Variants in MTFR1L observed in about 807,000 individuals in gnomAD.
MTFR1L encodes mitochondrial fission regulator 1 like, also known as mitochondrial fission regulator 1-like.
MTFR1L carries 10 observed loss-of-function variants against 27.9 expected under a neutral mutation model. The ratio of observed to expected loss-of-function variants is 0.36; its 90% CI spans 0.22 to 0.61. MTFR1L has a LOEUF of 0.61. Among genes scored for constraint, MTFR1L ranks in the 20% least tolerant of loss-of-function variants. MTFR1L has a pLI of 0.73. For synonymous variants in MTFR1L, 151 were observed against 139.4 expected (o/e 1.08, Z -0.58); for missense variants, 315 against 363.7 (o/e 0.87, Z 1.09).
rs113218052 is a variant in MTFR1L, at chr1:25,821,587, G to A, written c.-86-1432G>A. ...CCTCCACAGGAGGTCTCCAGAAAGAGCTGCTTTGTCAGTCTAGTCTATCTC... is the reference window on the plus strand; with the variant it reads ...CCTCCACAGGAGGTCTCCAGAAAGAACTGCTTTGTCAGTCTAGTCTATCTC... On this transcript the variant is annotated intron_variant, in intron 1 of 6. Transcript: ENST00000374303. The A allele has an allele frequency of 6.7e-4, 102 of 152,374 alleles. 1 individual carries two copies. The highest frequency in any genetic ancestry group is 2.3e-3 in the African/African-American group (97 of 41,580). The allele number at this position is 152,374 out of a possible 1,614,324, so 9.4% of individuals were successfully genotyped here.
chr1:25,830,404 A>T (rs1217239865), intron 6 of MTFR1L, among the ~76,000 whole-genome samples: 1 of 152,236 alleles, frequency 6.6e-6, no homozygotes, highest in Non-Finnish European at 1.5e-5. Context: ...CCTTTAACTT[A>T]CTAAAGTAGA....
chr1:25,820,639 G>C (rs1038489760), intron 1 of MTFR1L: 13 of 414,676 alleles, frequency 3.1e-5, no homozygotes, highest in Non-Finnish European at 5.6e-5. Context: ...TGCAGCCTCC[G>C]GAGGGCTGCG....
At position 25,826,102 on chromosome 1, in the gene MTFR1L, G is replaced by A. The variant is rs1343743849; in HGVS notation, c.130-200G>A. 9 of 531,012 alleles carry A rather than the reference G, an allele frequency of 1.7e-5. No individual in the cohort carries two copies. Among genetic ancestry groups the A allele is most frequent in the Middle Eastern group, 4.1e-4 (1 of 2,454 alleles). The allele number at this position is 531,012 out of a possible 1,614,324, so 32.9% of individuals were successfully genotyped here. A position where few individuals can be genotyped will look rare whatever the true frequency, so the allele number is the denominator to read the frequency against. ...TGCCTGCCTCGGCCTCCCAAATGCT[G>A]GGATTACAGGTGTGAGCCACCATGC... On this transcript the variant is annotated intron_variant, in intron 3 of 6. Transcript: ENST00000374303. This position sits in a 1 kb window ranked among gnomAD's most constrained non-coding sequence, Gnocchi z 4.1.
chr1:25,831,659 A>C (rs1284938388), intron 6 of MTFR1L, among the ~76,000 whole-genome samples: 1 of 152,216 alleles, frequency 6.6e-6, no homozygotes, highest in African/African-American at 2.4e-5. Context: ...GGAAATAGTA[A>C]AGCATTCTAG....
intron 3 of MTFR1L, 131 bp downstream of exon 3, chr1:25,823,879 G>A: frequency 1.7e-6 from 2 of 1,183,922 alleles, no homozygotes; most frequent in Non-Finnish European, 2.3e-6. Flanking sequence ...TTTGTTAAAT[G>A]CTTATAAGAT....
intron 1 of MTFR1L, chr1:25,820,453 GGCGGGTCCCCGCGGGGAGAGGGTCCGC>G (rs1436612722): frequency 5.1e-6 from 2 of 392,120 alleles, no homozygotes; most frequent in African/African-American, 4.4e-5. Context: ...GACTCGCCCT[GGCGGGTCCCCGCGGGGAGAGGGTCCGC>G]GCGGGTCTCC....
At chr1:25,831,863 A>AAGAT in intron 6 of MTFR1L, 58 bp from the exon 7 acceptor site, 1 of 1,361,834 alleles carries the variant, frequency 7.3e-7, no homozygotes, top group Non-Finnish European at 1.0e-6. Flanking sequence ...ATGTATTCAA[A>AAGAT]AGATATACAG....
chr1:25,826,635 G>A lies in MTFR1L; in HGVS notation c.260G>A (p.Arg87Lys). The A allele has an allele frequency of 6.2e-7, 1 of 1,614,192 alleles. No individual in the cohort carries two copies. Among genetic ancestry groups the A allele is most frequent in the Non-Finnish European group, 8.5e-7 (1 of 1,180,042 alleles). The change falls in exon 5 of 7, where the codon AGG becomes AAG. Residue 87 changes from arginine (R) to lysine (K), a missense_variant. Physicochemically the swap from Arg to Lys is conservative, Grantham distance 26. Transcript: ENST00000374303. The surrounding 1 kb of genome is among the most constrained non-coding windows in gnomAD (Gnocchi z 4.1). ...TCCAGGAGTGATACGCGCCCCCTGA[G>A]GCACACCTGGAAACCCAGCCCTCTG... ...ARVRSDTRPL[R>K]HTWKPSPLIV...
In MTFR1L at chr1:25,826,461, G is replaced by C; in HGVS notation, c.239+50G>C. The C allele has an allele frequency of 2.5e-6, 4 of 1,602,548 alleles. No individual in the cohort carries two copies. Among genetic ancestry groups the C allele is most frequent in the Non-Finnish European group, 2.6e-6 (3 of 1,169,546 alleles). The stretch of plus-strand genomic sequence containing the variant: ...CTAAGGAATGGAGAACTTCCCAGAA[G>C]AGGTGGCAGGCAGCAAGGAGAGAGG... On this transcript the variant is annotated intron_variant, in intron 4 of 6. Coordinates refer to ENST00000374303, the MANE Select transcript of MTFR1L (RefSeq NM_001099625.2). This position sits in a 1 kb window ranked among gnomAD's most constrained non-coding sequence, Gnocchi z 4.1.
rs1190005770 is a variant in MTFR1L, at chr1:25,826,138, T to C, written c.130-164T>C. 2 of 594,978 alleles carry C rather than the reference T, an allele frequency of 3.4e-6. No individual in the cohort carries two copies. The highest frequency in any genetic ancestry group is 6.0e-6 in the Non-Finnish European group (2 of 332,102). 36.9% of individuals were successfully genotyped at this position (594,978 alleles called of 1,614,324 possible). ...TGTGAGCCACCATGCCTGACTGTCA[T>C]CTGGCCTCTGTTCAATGTTTTCGAC... On this transcript the variant is annotated intron_variant, in intron 3 of 6. Transcript: ENST00000374303. This position sits in a 1 kb window ranked among gnomAD's most constrained non-coding sequence, Gnocchi z 4.1.
chr1:25,820,640 G>C, intron 1 of MTFR1L: 1 of 415,026 alleles, frequency 2.4e-6, no homozygotes, highest in Admixed American at 3.3e-5. Context: ...GCAGCCTCCG[G>C]AGGGCTGCGG....
intron 3 of MTFR1L, chr1:25,825,762 A>G (rs2048159390): frequency 6.5e-6 from 1 of 153,056 alleles, no homozygotes; most frequent in Admixed American, 6.5e-5. Context: ...GACAGTTGCC[A>G]TCTCTACTAA....
At position 25,831,974 on chromosome 1, in the gene MTFR1L, T is replaced by C; in HGVS notation, c.827T>C (p.Leu276Pro). The C allele has an allele frequency of 6.2e-7, 1 of 1,614,240 alleles. No individual in the cohort carries two copies. The highest frequency in any genetic ancestry group is 1.3e-5 in the African/African-American group (1 of 75,068). ...EDPAVLISEV[L>P]RRKFALKEED... ...CCTGCTGTGCTTATCTCTGAGGTCCTAAGGAGGAAGTTTGCTCTAAAGGAA... is the reference window on the plus strand; with the variant it reads ...CCTGCTGTGCTTATCTCTGAGGTCCCAAGGAGGAAGTTTGCTCTAAAGGAA... Residue 276 changes from leucine (L) to proline (P), a missense_variant, in exon 7 of 7, where the codon CTA (leucine) becomes CCA (proline). Physicochemically the swap from Leu to Pro is moderately conservative, Grantham distance 98 (BLOSUM62 -3). Coordinates refer to ENST00000374303, the MANE Select transcript of MTFR1L (RefSeq NM_001099625.2).
At position 25,823,719 on chromosome 1, in the gene MTFR1L, T is replaced by C; in HGVS notation, c.100T>C (p.Leu34=). ...VVRRIGTNLP[L]KPCARASFET... is the part of the protein sequence containing the mutation. ...AAGAAGAATTGGGACCAACCTACCC[T>C]TGAAGCCGTGTGCCCGGGCGTCCTT... Residue 34 remains leucine, a synonymous_variant, in exon 3 of 7, where the codon TTG becomes CTG. Transcript: ENST00000374303. The C allele has an allele frequency of 1.2e-6, 2 of 1,614,080 alleles. No homozygotes were observed. Among genetic ancestry groups the C allele is most frequent in the Non-Finnish European group, 1.7e-6 (2 of 1,179,974 alleles).
At position 25,829,786 on chromosome 1, in the gene MTFR1L, G is replaced by A; in HGVS notation, c.729G>A (p.Met243Ile). 6.2e-7 allele frequency: 1 copy of A among 1,608,608 alleles called. No individual in the cohort carries two copies. Among genetic ancestry groups the A allele is most frequent in the Non-Finnish European group, 8.5e-7 (1 of 1,179,844 alleles). The change falls in exon 6 of 7, where the codon ATG becomes ATA. Residue 243 changes from methionine (M) to isoleucine (I), a missense_variant. Physicochemically the swap from Met to Ile is conservative, Grantham distance 10. Transcript: ENST00000374303. ...LSKASSFADM[M>I]GILKDFHRMK... ...AGGCCAGCAGCTTTGCAGACATGAT[G>A]GGTATCCTGAAGGACTTTCACCGAA... is the stretch of plus-strand genomic sequence containing the variant.
rs777320349 is a variant in MTFR1L at position 25,826,624 on chromosome 1, G to A, written c.249G>A (p.Thr83=). 13 of 1,614,036 alleles carry A rather than the reference G, an allele frequency of 8.1e-6. No individual in the cohort carries two copies. Among genetic ancestry groups the A allele is most frequent in the African/African-American group, 1.3e-5 (1 of 74,898 alleles). The part of the protein sequence containing the change: ...EETYARVRSD[T]RPLRHTWKPS... ...GTTTTCCCTGGTCCAGGAGTGATAC[G>A]CGCCCCCTGAGGCACACCTGGAAAC... The change falls in exon 5 of 7, where the codon ACG becomes ACA. Residue 83 remains threonine (T), a synonymous_variant. Transcript: ENST00000374303. This position sits in a 1 kb window ranked among gnomAD's most constrained non-coding sequence, Gnocchi z 4.1.
intron 6 of MTFR1L, among the ~76,000 whole-genome samples, chr1:25,830,872 T>C (rs1213882867): frequency 6.6e-6 from 1 of 152,224 alleles, no homozygotes; most frequent in Non-Finnish European, 1.5e-5. Context: ...TTAACCTTCC[T>C]TCACTGGCCC....
Position 25,832,306 on chromosome 1 carries a change from G to T in MTFR1L, c.*280G>T. On this transcript the variant is annotated 3_prime_UTR_variant, in exon 7 of 7. Coordinates refer to ENST00000374303, the MANE Select transcript of MTFR1L (RefSeq NM_001099625.2). ...AAGGGTAAGAGAGAAGTTGTTTCTG[G>T]TTTTTCCTTGCCCCTGTGTGAAAAT... The T allele has an allele frequency of 1.1e-6, 1 of 885,000 alleles. No homozygotes were observed. Among genetic ancestry groups the T allele is most frequent in the Non-Finnish European group, 1.7e-6 (1 of 587,324 alleles). The allele number at this position is 885,000 out of a possible 1,614,324, so 54.8% of individuals were successfully genotyped here.
intron 1 of MTFR1L, chr1:25,821,605 T>G (rs1177660080): frequency 6.6e-6 from 1 of 152,330 alleles, no homozygotes; most frequent in Non-Finnish European, 1.5e-5. Context: ...GTCAGTCTAG[T>G]CTATCTCCCA....
Sources: gnomAD v4.1 joint callset for allele counts (sites outside exome capture counted in the v4.1 genomes callset) on GRCh38, gnomAD v4.1.1 for gene constraint, Gnocchi (gnomAD v3.1) non-coding constraint, MANE v1.5 for transcripts, NCBI Gene and HGNC (gene_info 2026-07-23, HGNC 2026-07-21) for gene names.